ITPR2: variants seen among roughly 807,000 people sequenced by gnomAD.
The protein encoded by ITPR2 is inositol 1,4,5-trisphosphate-gated calcium channel ITPR2.
ITPR2 carries 207 observed loss-of-function variants against 317.1 expected under a neutral mutation model. The observed-to-expected ratio is 0.65, with a 90% CI of 0.58 to 0.73. The LOEUF (loss-of-function observed/expected upper bound fraction) is 0.73, where lower values mean the gene tolerates loss of function less well. Ranked by LOEUF, ITPR2 falls within the 30% of genes least tolerant of loss-of-function variation. ITPR2 has a pLI of 0.00. For synonymous variants in ITPR2, 1,156 were observed against 1,149.1 expected, an observed-to-expected ratio of 1.01 and a Z score of -0.12; for missense variants, 2,613 against 3,284.0, an observed-to-expected ratio of 0.80 and a Z score of 4.99.
At chr12:26,529,128 G>A (rs774925829) in intron 37 of ITPR2, among the ~76,000 whole-genome samples, 11 of 152,070 alleles carry the variant, frequency 7.2e-5, no homozygotes, top group East Asian at 1.9e-4. Flanking sequence ...CCTCTTAAGC[G>A]TACTCTACAC....
chr12:26,569,670 A>T (rs28572095), intron 34 of ITPR2, among the ~76,000 whole-genome samples: 26,305 of 152,164 alleles, frequency 0.17, 2,528 homozygotes, highest in Non-Finnish European at 0.21. Flanking sequence ...TATTAGGAGA[A>T]ATAAGGAAAG....
In ITPR2 at chr12:26,412,622, A is replaced by G. The variant is rs114066412; in HGVS notation, c.7307-1210T>C. Among the ~76,000 whole-genome samples, 912 of 152,240 alleles carry G rather than the reference A, an allele frequency of 6.0e-3. 11 individuals carry two copies. Among genetic ancestry groups the G allele is most frequent in the African/African-American group, 0.021 (860 of 41,540 alleles). ...ATTGACTGGAGAGAGTGAAGTACAG[A>G]TTTCTTTTTTAATGTAATACATTAG... On this transcript the variant is annotated intron_variant, in intron 51 of 56. Coordinates refer to ENST00000381340, the MANE Select transcript of ITPR2 (RefSeq NM_002223.4).
At chr12:26,517,736 G>A (rs1565575720) in intron 37 of ITPR2, among the ~76,000 whole-genome samples, 1 of 152,186 alleles carries the variant, frequency 6.6e-6, no homozygotes, top group Non-Finnish European at 1.5e-5. Context: ...TACTCGGGAG[G>A]TTGAGGCAGG....
intron 45 of ITPR2, among the ~76,000 whole-genome samples, chr12:26,469,800 G>A (rs976324309): frequency 6.6e-6 from 1 of 152,156 alleles, no homozygotes; most frequent in Non-Finnish European, 1.5e-5. Context: ...GTGGTAAACT[G>A]ATGGATCGAG....
At chr12:26,701,218 C>A (rs1948440214) in intron 9 of ITPR2, among the ~76,000 whole-genome samples, 1 of 152,194 alleles carries the variant, frequency 6.6e-6, no homozygotes, top group South Asian at 2.1e-4. Context: ...TAAAAAACAA[C>A]TGCACCCCTC....
At chr12:26,784,414 G>T (rs548709974) in intron 2 of ITPR2, among the ~76,000 whole-genome samples, 3 of 148,782 alleles carry the variant, frequency 2.0e-5, no homozygotes, top group African/African-American at 7.4e-5. Flanking sequence ...AAGGCTGGAC[G>T]GTGCTGCTGC....
chr12:26,571,183 T>C (rs571453398), intron 34 of ITPR2, among the ~76,000 whole-genome samples: 1 of 152,326 alleles, frequency 6.6e-6, no homozygotes, highest in African/African-American at 2.4e-5. Flanking sequence ...CTTTAAAAGT[T>C]TAAAACATTT....
In ITPR2 at chr12:26,712,590, G is replaced by A. The variant is rs142776659; in HGVS notation, c.856-1322C>T. ...AACTCTTAAACCTTTGAGGGAGGCA[G>A]AGATATCTGCGAGAATGTGATAAAA... On this transcript the variant is annotated intron_variant, in intron 8 of 56. Transcript: ENST00000381340. 5.1e-4 allele frequency among the ~76,000 whole-genome samples: 78 copies of A among 152,150 alleles called. No homozygotes were observed. The East Asian group carries it at 0.01, about 20-fold the overall frequency.
At chr12:26,782,395 T>TA (rs796278759) in intron 2 of ITPR2, among the ~76,000 whole-genome samples, 101 of 136,716 alleles carry the variant, frequency 7.4e-4, no homozygotes, top group East Asian at 5.7e-3. Flanking sequence ...TTAAAAGAAC[T>TA]AAAAAAAAAA....
At chr12:26,754,533 C>A (rs552587461) in intron 2 of ITPR2, among the ~76,000 whole-genome samples, 1 of 152,114 alleles carries the variant, frequency 6.6e-6, no homozygotes, top group Non-Finnish European at 1.5e-5. Flanking sequence ...GTTTTACATG[C>A]GAGGTGTATA....
intron 50 of ITPR2, among the ~76,000 whole-genome samples, chr12:26,417,924 T>C (rs770349742): frequency 6.6e-6 from 1 of 152,200 alleles, no homozygotes; most frequent in Non-Finnish European, 1.5e-5. Context: ...AAGTGCTGGG[T>C]ATAATAGGAC....
At chr12:26,374,729 C>T (rs1394033289) in intron 55 of ITPR2, among the ~76,000 whole-genome samples, 1 of 152,164 alleles carries the variant, frequency 6.6e-6, no homozygotes, top group Middle Eastern at 3.2e-3. Context: ...ACTCAGAGAG[C>T]TGCGGTAACT....
chr12:26,819,930 G>T (rs1950914131), intron 1 of ITPR2, among the ~76,000 whole-genome samples: 1 of 152,038 alleles, frequency 6.6e-6, no homozygotes, highest in Non-Finnish European at 1.5e-5. Flanking sequence ...AATTAGCTGG[G>T]CATGGTGGCA....
chr12:26,487,608 T>C (rs1019221278), intron 39 of ITPR2, among the ~76,000 whole-genome samples: 4 of 152,224 alleles, frequency 2.6e-5, no homozygotes, highest in Non-Finnish European at 5.9e-5. Context: ...CATGTATGTA[T>C]TGAGTGCCTA....
At chr12:26,795,340 T>C (rs896246045) in intron 1 of ITPR2, among the ~76,000 whole-genome samples, 7 of 152,232 alleles carry the variant, frequency 4.6e-5, no homozygotes, top group African/African-American at 1.4e-4. Flanking sequence ...GATGATGATA[T>C]TTATGAATCG....
At chr12:26,609,652 T>C (rs899065188) in intron 26 of ITPR2, among the ~76,000 whole-genome samples, 12 of 152,018 alleles carry the variant, frequency 7.9e-5, no homozygotes, top group African/African-American at 2.7e-4. Context: ...TAGTAACTTA[T>C]TTATAGCATG....
intron 2 of ITPR2, among the ~76,000 whole-genome samples, chr12:26,759,112 A>T (rs1054236867): frequency 4.6e-5 from 7 of 152,242 alleles, no homozygotes; most frequent in Admixed American, 2.6e-4. Flanking sequence ...TCAGAAATAA[A>T]TGAATGATAC....
intron 37 of ITPR2, among the ~76,000 whole-genome samples, chr12:26,527,367 T>C (rs111948469): frequency 0.019 from 2,951 of 152,322 alleles, 55 homozygotes; most frequent in African/African-American, 0.047. Flanking sequence ...TTGATGATGA[T>C]AGAATGCCTA....
intron 55 of ITPR2, among the ~76,000 whole-genome samples, chr12:26,383,234 A>T (rs1257808899): frequency 1.3e-5 from 2 of 152,190 alleles, no homozygotes; most frequent in African/African-American, 4.8e-5. Flanking sequence ...GAAGCTGAGC[A>T]GATGCCAGTT....
Sources: gnomAD v4.1 joint callset for allele counts (sites outside exome capture counted in the v4.1 genomes callset) on GRCh38, gnomAD v4.1.1 for gene constraint, MANE v1.5 for transcripts, NCBI Gene and HGNC (gene_info 2026-07-23, HGNC 2026-07-21) for gene names.